ELF4: variants seen among roughly 807,000 people sequenced by gnomAD.
ELF4 encodes ETS-related transcription factor Elf-4.
In ELF4, 10 loss-of-function variants were observed where a neutral mutation model predicts 31.7. The ratio of observed to expected loss-of-function variants is 0.32; its 90% CI spans 0.19 to 0.54. The LOEUF is 0.54. Ranked by LOEUF, ELF4 falls within the 20% of genes least tolerant of loss-of-function variation. The pLI is 0.95. For synonymous variants in ELF4, 208 were observed against 226.7 expected (o/e 0.92, Z 0.74); for missense variants, 418 against 522.0 (o/e 0.80, Z 1.94).
intron 2 of ELF4, 122 bp downstream of exon 2, chrX:130,081,134 T>C: frequency 1.2e-6 from 1 of 843,427 alleles, no homozygotes; most frequent in African/African-American, 2.0e-5. Context: ...AGTAGGTGCT[T>C]GATGGATATT....
chrX:130,076,834 G>A (rs1485022730), intron 2 of ELF4, among the ~76,000 whole-genome samples: 1 of 111,342 alleles, frequency 9.0e-6, no homozygotes, highest in Non-Finnish European at 1.9e-5. Context: ...TCTTTTTGTT[G>A]TTATTGTTTA....
chrX:130,066,596 G>T lies in ELF4; in HGVS notation c.*125C>A. 1 of 746,783 alleles carries T rather than the reference G, an allele frequency of 1.3e-6. No individual in the cohort carries two copies. The highest frequency in any genetic ancestry group is 2.0e-6 in the Non-Finnish European group (1 of 493,209). 61.5% of individuals were successfully genotyped at this position (746,783 alleles called of 1,213,427 possible). On this transcript the variant is annotated 3_prime_UTR_variant, in exon 9 of 9. Coordinates refer to ENST00000308167, the MANE Select transcript of ELF4 (RefSeq NM_001421.4). ...CACAGTGACACCAGGCAGGGCCGGGGGACTTGGGGTCAAGTGTATTGACAT... is the reference window on the plus strand; with the variant it reads ...CACAGTGACACCAGGCAGGGCCGGGTGACTTGGGGTCAAGTGTATTGACAT...
intron 2 of ELF4, among the ~76,000 whole-genome samples, chrX:130,075,707 C>A (rs970686508): frequency 1.8e-5 from 2 of 111,944 alleles, no homozygotes; most frequent in African/African-American, 3.2e-5. Context: ...GGGGCTCAAC[C>A]TATAGTCGGG....
rs372637476 is a variant in ELF4, at chrX:130,072,406, C to T, written c.352G>A (p.Glu118Lys). The change falls in exon 5 of 9, where the codon GAA (glutamate) becomes AAA (lysine). Residue 118 changes from glutamate to lysine, a missense_variant. Around this residue, in one of 4 missense-constraint regions of ELF4, gnomAD observed 88 missense variants for 92.4 expected, o/e 0.95. Transcript: ENST00000308167. ...LDEKQIFSTS[E>K]MLPDSDPAPA... is the part of the protein sequence containing the mutation. Reference sequence around the variant, plus strand: ...GCAGGGTCCGAGTCTGGAAGCATTTCGGAGGTACTGACTGCAAGAAGAAAG... The same window carrying T: ...GCAGGGTCCGAGTCTGGAAGCATTTTGGAGGTACTGACTGCAAGAAGAAAG... The T allele has an allele frequency of 1.6e-5, 19 of 1,210,410 alleles. No individual in the cohort carries two copies. Among genetic ancestry groups the T allele is most frequent in the East Asian group, 3.0e-5 (1 of 33,757 alleles).
chrX:130,087,760 G>A (rs1038038280), intron 1 of ELF4, among the ~76,000 whole-genome samples: 4 of 112,276 alleles, frequency 3.6e-5, no homozygotes, highest in Non-Finnish European at 7.5e-5. Flanking sequence ...GAGCCACCGC[G>A]CCTGGCCAGT....
intron 2 of ELF4, among the ~76,000 whole-genome samples, chrX:130,078,391 CAGA>C (rs1351738858): frequency 1.2e-3 from 124 of 105,900 alleles, no homozygotes; most frequent in Admixed American, 4.2e-3. Flanking sequence ...GGCGTGAGAG[CAGA>C]AGGATTGCTT....
chrX:130,102,451 G>C (rs1316308089), intron 1 of ELF4, among the ~76,000 whole-genome samples: 1 of 111,169 alleles, frequency 9.0e-6, no homozygotes, highest in East Asian at 2.8e-4. Flanking sequence ...TATAGACAAT[G>C]GTAGTAGACT....
chrX:130,102,427 G>C (rs1482585797), intron 1 of ELF4, among the ~76,000 whole-genome samples: 1 of 111,711 alleles, frequency 9.0e-6, no homozygotes, highest in East Asian at 2.8e-4. Context: ...ATAGAGTGCA[G>C]AAATGGGCCC....
Position 130,067,092 on chromosome X carries a change from G to C in ELF4, c.1621C>G (p.Leu541Val), listed in dbSNP as rs759949249. 1 of 1,208,278 alleles carries C rather than the reference G, an allele frequency of 8.3e-7. No homozygotes were observed. Among genetic ancestry groups the C allele is most frequent in the Non-Finnish European group, 1.1e-6 (1 of 892,835 alleles). The change falls in exon 9 of 9, where the codon CTG becomes GTG. Residue 541 changes from leucine (L) to valine (V), a missense_variant. Leu to Val is a conservative substitution (Grantham distance 32). Around this residue, in one of 4 missense-constraint regions of ELF4, gnomAD observed 260 missense variants for 269.2 expected, o/e 0.97. Coordinates refer to ENST00000308167, the MANE Select transcript of ELF4 (RefSeq NM_001421.4). ...CCCTGAACATAGGAGGAGGACCTCA[G>C]TGGCCCCTCCTTGACCCTAGGGGCT... is the stretch of plus-strand genomic sequence containing the variant. The part of the protein sequence containing the change: ...TAAPRVKEGP[L>V]RSSSYVQGMV...
intron 1 of ELF4, among the ~76,000 whole-genome samples, chrX:130,091,197 C>G (rs1376682068): frequency 9.0e-6 from 1 of 111,253 alleles, no homozygotes; most frequent in East Asian, 2.8e-4. Context: ...GAGGCCGAGG[C>G]GGGTGGATTA....
intron 1 of ELF4, among the ~76,000 whole-genome samples, chrX:130,100,907 T>G (rs1167278920): frequency 8.9e-6 from 1 of 112,332 alleles, no homozygotes; most frequent in Non-Finnish European, 1.9e-5. Flanking sequence ...CTGATAGATC[T>G]TAGGGCTACA....
intron 1 of ELF4, among the ~76,000 whole-genome samples, chrX:130,082,875 G>T (rs1932904960): frequency 2.7e-5 from 3 of 111,999 alleles, no homozygotes; most frequent in African/African-American, 9.7e-5. Flanking sequence ...GCCACACACT[G>T]CACTCCACCT....
intron 2 of ELF4, among the ~76,000 whole-genome samples, chrX:130,077,811 G>T (rs1785507737): frequency 1.8e-5 from 2 of 111,967 alleles, no homozygotes; most frequent in South Asian, 7.4e-4. Flanking sequence ...AGCAGGGCCT[G>T]GCGTAGACTA....
chrX:130,067,076 TAGG>T lies in ELF4; in HGVS notation c.1634_1636del (p.Ser545del), dbSNP rs1932692307. The T allele has an allele frequency of 1.7e-6, 2 of 1,209,684 alleles. No individual in the cohort carries two copies. Among genetic ancestry groups the T allele is most frequent in the Non-Finnish European group, 2.2e-6 (2 of 894,016 alleles). On this transcript the variant is annotated inframe_deletion, in exon 9 of 9. Transcript: ENST00000308167. ...GGCCCCCGTCACCATACCCTGAACA[TAGG>T]AGGAGGACCTCAGTGGCCCCTCCTT...
At chrX:130,068,400 T>G (rs1932738382) in intron 8 of ELF4, among the ~76,000 whole-genome samples, 1 of 112,163 alleles carries the variant, frequency 8.9e-6, no homozygotes, top group South Asian at 3.7e-4. Flanking sequence ...CCAGTATACA[T>G]AGTAAGCACT....
intron 1 of ELF4, among the ~76,000 whole-genome samples, chrX:130,093,632 A>T (rs1050028496): frequency 1.5e-4 from 17 of 111,610 alleles, no homozygotes; most frequent in Admixed American, 8.6e-4. Context: ...GAGGCTTTGG[A>T]CCTCTCTGCC....
intron 2 of ELF4, among the ~76,000 whole-genome samples, chrX:130,077,317 T>A (rs1208126934): frequency 9.4e-6 from 1 of 106,468 alleles, no homozygotes; most frequent in Non-Finnish European, 1.9e-5. Flanking sequence ...TTTTTTGAGA[T>A]GGAGTTTTGC....
chrX:130,076,502 G>A (rs1438949920), intron 2 of ELF4, among the ~76,000 whole-genome samples: 1 of 112,304 alleles, frequency 8.9e-6, no homozygotes, highest in Non-Finnish European at 1.9e-5. Context: ...CACGATCTTG[G>A]CTTACTGCAA....
chrX:130,064,427 T>C lies in ELF4; in HGVS notation c.*2294A>G, dbSNP rs764742721. On this transcript the variant is annotated 3_prime_UTR_variant, in exon 9 of 9. Coordinates refer to ENST00000308167, the MANE Select transcript of ELF4 (RefSeq NM_001421.4). ...CACTCCAGCCGACAGAGCAAGACTC[T>C]GACTCAAAAACAAACGAACAAACAA... is the stretch of plus-strand genomic sequence containing the variant. Among the ~76,000 whole-genome samples, 2 of 112,025 alleles carry C rather than the reference T, an allele frequency of 1.8e-5. No homozygotes were observed. Among genetic ancestry groups the C allele is most frequent in the Non-Finnish European group, 3.8e-5 (2 of 53,188 alleles).
Sources: allele counts gnomAD v4.1 joint callset (sites outside exome capture counted in the v4.1 genomes callset), GRCh38; gene constraint gnomAD v4.1.1; regional missense constraint gnomAD v4.1.1; transcripts MANE v1.5; gene names NCBI Gene and HGNC (gene_info 2026-07-23, HGNC 2026-07-21).